The following NEBL variants were observed in gnomAD, a reference collection of about 807,000 sequenced individuals.
NEBL encodes the protein LIM and SH3 protein 2.
A neutral mutation model predicts 140.2 loss-of-function variants in NEBL; 122 were observed. That is an observed-to-expected ratio of 0.87 (90% CI 0.75 to 1.01). The LOEUF is 1.01. Ranked by LOEUF, NEBL falls within the 50% of genes least tolerant of loss-of-function variation. The pLI is 0.00. For synonymous variants in NEBL, 436 were observed against 398.9 expected (o/e 1.09, Z -1.11); for missense variants, 1,365 against 1,231.3 (o/e 1.11, Z -1.62).
At chr10:21,128,971 C>T (rs1006410386) in intron 2 of NEBL, among the ~76,000 whole-genome samples, 1 of 152,148 alleles carries the variant, frequency 6.6e-6, no homozygotes, top group Non-Finnish European at 1.5e-5. Context: ...GTTTCAGAAA[C>T]AATGACAGGT....
intron 1 of NEBL, among the ~76,000 whole-genome samples, chr10:21,282,087 CTT>C (rs1207024087): frequency 6.6e-6 from 1 of 152,114 alleles, no homozygotes; most frequent in Non-Finnish European, 1.5e-5. Context: ...GTATGTGAGA[CTT>C]TTGAAGGGAG....
intron 25 of NEBL, among the ~76,000 whole-genome samples, chr10:20,809,047 T>C (rs985978677): frequency 1.1e-4 from 17 of 152,224 alleles, no homozygotes; most frequent in African/African-American, 4.1e-4. Context: ...GTGACACTGT[T>C]TGGCTAACTA....
intron 2 of NEBL, among the ~76,000 whole-genome samples, chr10:21,088,425 A>G (rs374880575): frequency 1.3e-5 from 2 of 152,090 alleles, no homozygotes; most frequent in East Asian, 3.9e-4. Flanking sequence ...TCAAGGCTGT[A>G]GTGGGCTATG....
chr10:20,977,330 C>T (rs1034453392), intron 3 of NEBL, among the ~76,000 whole-genome samples: 3 of 152,170 alleles, frequency 2.0e-5, no homozygotes, highest in African/African-American at 7.2e-5. Context: ...GTCTTCGTTC[C>T]CCCATTTCTT....
At chr10:21,282,700 A>T (rs1044879908) in intron 1 of NEBL, among the ~76,000 whole-genome samples, 4 of 152,166 alleles carry the variant, frequency 2.6e-5, no homozygotes, top group East Asian at 1.9e-4. Context: ...CTCCATGTTG[A>T]ATAGGAGCTG....
chr10:21,148,428 TGG>T (rs1369242789), intron 2 of NEBL, among the ~76,000 whole-genome samples: 3 of 152,204 alleles, frequency 2.0e-5, no homozygotes, highest in African/African-American at 7.2e-5. Context: ...GACAGCCCTG[TGG>T]TAGAATGTTG....
At chr10:21,056,734 T>G (rs1276719213) in intron 2 of NEBL, among the ~76,000 whole-genome samples, 6 of 152,192 alleles carry the variant, frequency 3.9e-5, no homozygotes, top group Non-Finnish European at 8.8e-5. Context: ...GCTGTATGGA[T>G]GCATCTCAAA....
At chr10:21,226,692 C>G (rs1203631648) in intron 3 of NEBL, among the ~76,000 whole-genome samples, 1 of 152,200 alleles carries the variant, frequency 6.6e-6, no homozygotes, top group Non-Finnish European at 1.5e-5. Flanking sequence ...TCACTTTACT[C>G]TCCCTCCTGC....
chr10:21,014,826 C>G (rs1838490201), intron 3 of NEBL, among the ~76,000 whole-genome samples: 2 of 152,158 alleles, frequency 1.3e-5, no homozygotes, highest in African/African-American at 4.8e-5. Flanking sequence ...ATTATGTTCC[C>G]TATAAAAAGA....
chr10:21,000,291 TATGGCCCCAGC>T (rs1024004105), intron 3 of NEBL, among the ~76,000 whole-genome samples: 46 of 151,872 alleles, frequency 3.0e-4, no homozygotes, highest in African/African-American at 1.1e-3. Context: ...CAAGGGGCCA[TATGGCCCCAGC>T]ATGGCCCCAG....
upstream of NEBL, among the ~76,000 whole-genome samples, chr10:21,175,260 G>A (rs1841271761): frequency 6.6e-6 from 1 of 152,160 alleles, no homozygotes; most frequent in Admixed American, 6.5e-5. Flanking sequence ...TCTACAAAAT[G>A]GGAATAAGGA....
In NEBL at chr10:20,869,852, A is replaced by T. The variant is rs1475502208; in HGVS notation, c.481-11T>A. 3 of 1,548,292 alleles carry T rather than the reference A, an allele frequency of 1.9e-6. No individual in the cohort carries two copies. Reference sequence around the variant, plus strand: ...TTTCCTATAAGAAATCTGATCAGAGACAGTTTTGGTTAAAAAATAAATAAA... The same window carrying T: ...TTTCCTATAAGAAATCTGATCAGAGTCAGTTTTGGTTAAAAAATAAATAAA... On this transcript the variant is annotated splice_polypyrimidine_tract_variant and intron_variant, in intron 5 of 27. Transcript: ENST00000377122.
chr10:20,909,387 A>T (rs1458943280), intron 4 of NEBL, among the ~76,000 whole-genome samples: 1 of 152,036 alleles, frequency 6.6e-6, no homozygotes, highest in East Asian at 1.9e-4. Flanking sequence ...TAAATAAGTG[A>T]GAACATGCAA....
chr10:21,180,377 T>C (rs1399485123), intron 3 of NEBL, among the ~76,000 whole-genome samples: 4 of 152,206 alleles, frequency 2.6e-5, no homozygotes, highest in African/African-American at 9.6e-5. Flanking sequence ...GATGGTATGA[T>C]TCCTTCTCGT....
At chr10:20,923,506 A>T (rs915767910) in intron 4 of NEBL, among the ~76,000 whole-genome samples, 3 of 151,502 alleles carry the variant, frequency 2.0e-5, no homozygotes, top group Non-Finnish European at 4.4e-5. Flanking sequence ...GTGAAATCCC[A>T]TCTCTATTAA....
At chr10:20,925,752 C>T (rs983640046) in intron 4 of NEBL, among the ~76,000 whole-genome samples, 6 of 150,738 alleles carry the variant, frequency 4.0e-5, no homozygotes, top group Non-Finnish European at 7.4e-5. Context: ...CAAGAGTACA[C>T]AATTTGGAGT....
intron 2 of NEBL, among the ~76,000 whole-genome samples, chr10:21,037,406 T>C (rs1433199859): frequency 3.3e-5 from 5 of 150,504 alleles, no homozygotes; most frequent in South Asian, 4.3e-4. Context: ...CACAACAAAA[T>C]CAAGTTAGAT....
At position 20,878,958 on chromosome 10, in the gene NEBL, C is replaced by T. The variant is rs138139264; in HGVS notation, c.480+1836G>A. Among the ~76,000 whole-genome samples the T allele has an allele frequency of 6.4e-4, 97 of 152,200 alleles. 2 individuals are homozygous for T. The East Asian group carries it at 0.018, about 28-fold the overall frequency. ...GAATTATAGAGTTGGAAAGAGCCTC[C>T]CGGGGATCCGTGTAACACCAGACCT... On this transcript the variant is annotated intron_variant, in intron 5 of 27. Coordinates refer to ENST00000377122, the MANE Select transcript of NEBL (RefSeq NM_006393.3).
At position 20,781,932 on chromosome 10, in the gene NEBL, G is replaced by A. The variant is rs1420013354; in HGVS notation, c.*3815C>T. On this transcript the variant is annotated 3_prime_UTR_variant, in exon 28 of 28. Coordinates refer to ENST00000377122, the MANE Select transcript of NEBL (RefSeq NM_006393.3). Reference sequence around the variant, plus strand: ...AGATTATCAGAAGCAAATCGCTAAGGTATAATTAATTTATGAAGTGAAGTT... The same window carrying A: ...AGATTATCAGAAGCAAATCGCTAAGATATAATTAATTTATGAAGTGAAGTT... 1 of 152,504 alleles carries A rather than the reference G, an allele frequency of 6.6e-6. No homozygotes were observed. Among genetic ancestry groups the A allele is most frequent in the African/African-American group, 2.4e-5 (1 of 41,414 alleles). The allele number at this position is 152,504 out of a possible 1,614,324, so 9.4% of individuals were successfully genotyped here.
Sources: gnomAD v4.1 joint callset for allele counts (sites outside exome capture counted in the v4.1 genomes callset) on GRCh38, gnomAD v4.1.1 for gene constraint, MANE v1.5 for transcripts, NCBI Gene and HGNC (gene_info 2026-07-23, HGNC 2026-07-21) for gene names.